The following ACTR3 variants were observed in gnomAD, a reference collection of about 807,000 sequenced individuals.
The protein encoded by ACTR3 is actin-related protein 3.
A neutral mutation model predicts 56.8 loss-of-function variants in ACTR3; 12 were observed. The ratio of observed to expected loss-of-function variants is 0.21; its 90% CI spans 0.14 to 0.34. ACTR3 has a LOEUF of 0.34. Among genes scored for constraint, ACTR3 ranks in the 10% least tolerant of loss-of-function variants. ACTR3 has a pLI of 1.00. For synonymous variants in ACTR3, 162 were observed against 167.4 expected (o/e 0.97, Z 0.25); for missense variants, 282 against 512.5 (o/e 0.55, Z 4.34).
At chr2:113,940,470 A>C (rs962077494) in intron 7 of ACTR3, among the ~76,000 whole-genome samples, 1 of 152,148 alleles carries the variant, frequency 6.6e-6, no homozygotes, top group Non-Finnish European at 1.5e-5. Context: ...AGCTTTTGTC[A>C]TAAAAATTAT....
At chr2:113,940,934 C>T (rs191055609) in intron 7 of ACTR3, among the ~76,000 whole-genome samples, 16 of 151,922 alleles carry the variant, frequency 1.1e-4, no homozygotes, top group Admixed American at 4.6e-4. Flanking sequence ...GATCCTCCCG[C>T]GTCAGCCTCC....
intron 1 of ACTR3, among the ~76,000 whole-genome samples, chr2:113,893,594 A>T (rs1042627487): frequency 1.3e-5 from 2 of 152,060 alleles, no homozygotes; most frequent in Middle Eastern, 3.2e-3. Flanking sequence ...GCCCAGCCTT[A>T]AAGGTTTTTT....
intron 3 of ACTR3, among the ~76,000 whole-genome samples, chr2:113,924,432 C>T (rs544045757): frequency 6.6e-6 from 1 of 152,098 alleles, no homozygotes; most frequent in South Asian, 2.1e-4. Flanking sequence ...TCGTCCATAC[C>T]ACTATTGGTA....
At chr2:113,914,849 A>G (rs1322295364) in intron 2 of ACTR3, among the ~76,000 whole-genome samples, 1 of 152,188 alleles carries the variant, frequency 6.6e-6, no homozygotes, top group Non-Finnish European at 1.5e-5. Flanking sequence ...TTTAGTTGAT[A>G]TTGATGAAAC....
intron 1 of ACTR3, among the ~76,000 whole-genome samples, chr2:113,911,419 C>CTTT (rs34495665): frequency 0.1 from 11,873 of 117,698 alleles, 1,421 homozygotes; most frequent in African/African-American, 0.25. Context: ...ATTTGGCACA[C>CTTT]TTTTTTTTTT....
chr2:113,928,323 A>G (rs959702547), intron 4 of ACTR3, among the ~76,000 whole-genome samples: 6 of 152,248 alleles, frequency 3.9e-5, no homozygotes, highest in Admixed American at 3.3e-4. Context: ...CATGACGTCT[A>G]TCCATCTTTC....
In ACTR3 at chr2:113,898,927, T is replaced by G. The variant is rs368894155; in HGVS notation, c.44+8604T>G. The stretch of plus-strand genomic sequence containing the variant: ...ATAAGTAGTAGATTTAGAATTTTAG[T>G]CCTGGGGTAGTCTCATTCCAGAGCT... On this transcript the variant is annotated intron_variant, in intron 1 of 11. Transcript: ENST00000263238. Among the ~76,000 whole-genome samples, 8 of 152,308 alleles carry G rather than the reference T, an allele frequency of 5.3e-5. No individual in the cohort carries two copies. The East Asian group carries it at 1.3e-3, about 26-fold the overall frequency.
At position 113,931,308 on chromosome 2, in the gene ACTR3, C is replaced by A; in HGVS notation, c.344C>A (p.Pro115His). 2 of 1,544,754 alleles carry A rather than the reference C, an allele frequency of 1.3e-6. No individual in the cohort carries two copies. Among genetic ancestry groups the A allele is most frequent in the Non-Finnish European group, 1.8e-6 (2 of 1,141,842 alleles). The change falls in exon 5 of 12, where the codon CCT (proline) becomes CAT (histidine). Residue 115 changes from proline to histidine, a missense_variant. Pro to His is a moderately conservative substitution (Grantham distance 77, BLOSUM62 -2). Transcript: ENST00000263238. The part of the protein sequence containing the change: ...PEDHYFLLTE[P>H]PLNTPENREY... ...TGTTATTTATTTCAATAGACTGAAC[C>A]TCCATTGAATACTCCAGAAAACAGG...
chr2:113,930,836 A>G (rs1320885603), intron 4 of ACTR3, among the ~76,000 whole-genome samples: 1 of 152,224 alleles, frequency 6.6e-6, no homozygotes. Context: ...TTAGATCTGT[A>G]GAATCTCGGC....
At chr2:113,904,019 G>C (rs1272044569) in intron 1 of ACTR3, 4 of 152,042 alleles carry the variant, frequency 2.6e-5, no homozygotes, top group Non-Finnish European at 5.9e-5. Flanking sequence ...ACTGCGCCCG[G>C]CTAATTTTAT....
chr2:113,925,167 G>A (rs1223229946), intron 3 of ACTR3, among the ~76,000 whole-genome samples: 1 of 147,934 alleles, frequency 6.8e-6, no homozygotes. Flanking sequence ...AAAGTGCTGG[G>A]ATTACAGGCG....
At chr2:113,899,761 G>A (rs17045715) in intron 1 of ACTR3, among the ~76,000 whole-genome samples, 6,912 of 152,226 alleles carry the variant, frequency 0.045, 512 homozygotes, top group African/African-American at 0.16. Context: ...AAGTGATAGC[G>A]TCCTGCATGA....
chr2:113,918,633 C>T lies in ACTR3; in HGVS notation c.225+1625C>T, dbSNP rs866202348. Among the ~76,000 whole-genome samples, 3 of 152,186 alleles carry T rather than the reference C, an allele frequency of 2.0e-5. No individual in the cohort carries two copies. The Middle Eastern group carries it at 0.01, about 518-fold the overall frequency. ...ACTCCTGGGCTCAAGCAATTTGTCC[C>T]CTTGGCCTGCCAAAGTGCTGGGGTT... is the stretch of plus-strand genomic sequence containing the variant. On this transcript the variant is annotated intron_variant, in intron 3 of 11. Transcript: ENST00000263238.
intron 10 of ACTR3, chr2:113,955,378 T>A: frequency 3.1e-6 from 1 of 322,968 alleles, no homozygotes; most frequent in Non-Finnish European, 5.6e-6. Context: ...AAGTCAGAAC[T>A]GTATAAAACA....
At chr2:113,901,200 C>T (rs1314108360) in intron 1 of ACTR3, among the ~76,000 whole-genome samples, 1 of 152,190 alleles carries the variant, frequency 6.6e-6, no homozygotes, top group Non-Finnish European at 1.5e-5. Context: ...TGCCTGTAAT[C>T]CCAGCTACTT....
intron 6 of ACTR3, 22 bp from the exon 7 acceptor site, chr2:113,939,937 G>A (rs1024574966): frequency 3.2e-6 from 5 of 1,550,284 alleles, no homozygotes; most frequent in African/African-American, 1.4e-5. Context: ...AGTAAATTTG[G>A]TATCTTTTTT....
At chr2:113,906,066 T>C (rs1038843448) in intron 1 of ACTR3, among the ~76,000 whole-genome samples, 4 of 152,214 alleles carry the variant, frequency 2.6e-5, no homozygotes, top group African/African-American at 4.8e-5. Context: ...TTGGAGGAAC[T>C]ATTTTATAGT....
chr2:113,903,680 G>A (rs1327122499), intron 1 of ACTR3, among the ~76,000 whole-genome samples: 1 of 151,588 alleles, frequency 6.6e-6, no homozygotes. Flanking sequence ...TTTTAGTAGA[G>A]ATGGAGTCTC....
At chr2:113,943,742 C>T (rs1679965788) in intron 8 of ACTR3, among the ~76,000 whole-genome samples, 1 of 152,150 alleles carries the variant, frequency 6.6e-6, no homozygotes, top group South Asian at 2.1e-4. Context: ...GTGCCATCCA[C>T]TGAAATTTGT....
Sources: allele counts gnomAD v4.1 joint callset (sites outside exome capture counted in the v4.1 genomes callset), GRCh38; gene constraint gnomAD v4.1.1; transcripts MANE v1.5; gene names NCBI Gene and HGNC (gene_info 2026-07-23, HGNC 2026-07-21).